Variants in GRAMD1B observed in about 807,000 individuals in gnomAD.
GRAMD1B encodes the protein protein Aster-B.
Under a neutral mutation model 99.7 loss-of-function variants are expected in GRAMD1B, and 37 were observed. The observed-to-expected ratio is 0.37, with a 90% CI of 0.29 to 0.49. The LOEUF is 0.49. Among genes scored for constraint, GRAMD1B ranks in the 20% least tolerant of loss-of-function variants. The pLI is 0.98. For missense variants in GRAMD1B, 888 were observed against 1,009.2 expected (o/e 0.88, Z 1.63); for synonymous variants, 427 against 387.6 (o/e 1.10, Z -1.19).
chr11:123,469,772 T>TTCCTTCCTTCCTTCC (rs57120052), intron 1 of GRAMD1B, among the ~76,000 whole-genome samples: 67 of 108,290 alleles, frequency 6.2e-4, no homozygotes, highest in Middle Eastern at 4.1e-3. Flanking sequence ...TTTCTTTCTC[T>TTCCTTCCTTCCTTCC]TTCTTTCCTT....
chr11:123,367,606 G>A (rs1467454096), intron 1 of GRAMD1B, among the ~76,000 whole-genome samples: 1 of 152,198 alleles, frequency 6.6e-6, no homozygotes, highest in Non-Finnish European at 1.5e-5. Context: ...TGTAAGAGAG[G>A]CAATGAGGCC....
intron 1 of GRAMD1B, among the ~76,000 whole-genome samples, chr11:123,363,797 G>C (rs919853263): frequency 6.6e-6 from 1 of 152,202 alleles, no homozygotes; most frequent in Non-Finnish European, 1.5e-5. Flanking sequence ...TAGGCAGCTG[G>C]CATAATGATG....
At chr11:123,511,029 G>A (rs927081111) in intron 2 of GRAMD1B, among the ~76,000 whole-genome samples, 2 of 151,916 alleles carry the variant, frequency 1.3e-5, no homozygotes, top group African/African-American at 4.8e-5. Context: ...CCTATTTTTT[G>A]TTTCTCTTTA....
chr11:123,368,712 A>G (rs974231365), intron 1 of GRAMD1B, among the ~76,000 whole-genome samples: 8 of 150,796 alleles, frequency 5.3e-5, no homozygotes, highest in Non-Finnish European at 1.0e-4. Flanking sequence ...AGAAAGAAAG[A>G]AAGAAAAAAG....
At chr11:123,613,987 C>T (rs1322852466) in intron 16 of GRAMD1B, among the ~76,000 whole-genome samples, 1 of 152,142 alleles carries the variant, frequency 6.6e-6, no homozygotes, top group African/African-American at 2.4e-5. Flanking sequence ...GGAGATCCCA[C>T]AGCTCAGACC....
intron 1 of GRAMD1B, among the ~76,000 whole-genome samples, chr11:123,375,866 C>A (rs1269865005): frequency 6.6e-6 from 1 of 152,118 alleles, no homozygotes; most frequent in Non-Finnish European, 1.5e-5. Flanking sequence ...ATCTATTTGG[C>A]CCTCAGATAT....
chr11:123,503,835 C>A (rs1940146853), intron 2 of GRAMD1B, among the ~76,000 whole-genome samples: 1 of 152,194 alleles, frequency 6.6e-6, no homozygotes, highest in South Asian at 2.1e-4. Flanking sequence ...ATGTTAGCCA[C>A]CACCCCCAGC....
chr11:123,521,470 C>T (rs572423043), intron 2 of GRAMD1B, among the ~76,000 whole-genome samples: 1 of 152,302 alleles, frequency 6.6e-6, no homozygotes, highest in African/African-American at 2.4e-5. Context: ...CATATTTTCT[C>T]TTAGAACAGC....
rs772310128 is a variant in GRAMD1B at position 123,605,304 on chromosome 11, A to T, written c.1167-18A>T. 5 of 1,582,654 alleles carry T rather than the reference A, an allele frequency of 3.2e-6. No homozygotes were observed. In the African/African-American group the frequency reaches 6.7e-5, roughly 21 times the overall value. ...GAACCACTGAGGGTAATGTGGACTC[A>T]CTGGTGTCTCCTCTCAGATACTGTG... On this transcript the variant is annotated intron_variant, in intron 9 of 19. Transcript: ENST00000635736.
intron 1 of GRAMD1B, among the ~76,000 whole-genome samples, chr11:123,420,161 G>A (rs920412412): frequency 3.9e-5 from 6 of 152,136 alleles, no homozygotes; most frequent in African/African-American, 1.4e-4. Context: ...AACAGAGGAT[G>A]GCAAACCTCA....
intron 1 of GRAMD1B, among the ~76,000 whole-genome samples, chr11:123,419,111 A>G (rs1464316040): frequency 6.6e-6 from 1 of 152,208 alleles, no homozygotes; most frequent in African/African-American, 2.4e-5. Context: ...GACATTCTCA[A>G]AGGAGAACAG....
intron 4 of GRAMD1B, among the ~76,000 whole-genome samples, chr11:123,593,230 TAAAC>T (rs372424623): frequency 0.027 from 4,150 of 151,568 alleles, 132 homozygotes; most frequent in African/African-American, 0.082. Flanking sequence ...AGACTCTGTC[TAAAC>T]AAACAAACAA....
chr11:123,570,541 A>G (rs564948837), intron 2 of GRAMD1B, among the ~76,000 whole-genome samples: 1 of 151,350 alleles, frequency 6.6e-6, no homozygotes, highest in African/African-American at 2.4e-5. Context: ...GTCTTGCCTA[A>G]GCCTCCTGAG....
At chr11:123,407,181 A>G (rs1029325497) in intron 1 of GRAMD1B, among the ~76,000 whole-genome samples, 2 of 152,258 alleles carry the variant, frequency 1.3e-5, no homozygotes, top group Non-Finnish European at 2.9e-5. Context: ...CTACAGGTCT[A>G]TAACACTCAG....
At chr11:123,517,981 T>G (rs1941835916) in intron 2 of GRAMD1B, among the ~76,000 whole-genome samples, 1 of 152,128 alleles carries the variant, frequency 6.6e-6, no homozygotes, top group Non-Finnish European at 1.5e-5. Flanking sequence ...GAATTTCTCC[T>G]GAGGATAAAC....
intron 2 of GRAMD1B, among the ~76,000 whole-genome samples, chr11:123,548,291 A>AATATAT (rs139996126): frequency 0.026 from 1,965 of 74,942 alleles, 41 homozygotes; most frequent in Non-Finnish European, 0.039. Context: ...GCTGTGCCAA[A>AATATAT]ATATATATAT....
At chr11:123,384,674 T>C (rs1442697091) in intron 1 of GRAMD1B, among the ~76,000 whole-genome samples, 4 of 152,238 alleles carry the variant, frequency 2.6e-5, no homozygotes, top group Non-Finnish European at 5.9e-5. Flanking sequence ...CAAATACTAC[T>C]TGAATGAAGA....
At chr11:123,412,663 A>G (rs1489346890) in intron 1 of GRAMD1B, among the ~76,000 whole-genome samples, 2 of 152,236 alleles carry the variant, frequency 1.3e-5, no homozygotes, top group Admixed American at 6.5e-5. Context: ...TTGTGCTGAT[A>G]TAGAAAACCC....
At chr11:123,429,618 G>A (rs1281927763), upstream of GRAMD1B, among the ~76,000 whole-genome samples, 2 of 152,100 alleles carry the variant, frequency 1.3e-5, no homozygotes, top group Non-Finnish European at 1.5e-5. This position sits in a 1 kb window ranked among gnomAD's most constrained non-coding sequence, Gnocchi z 4.0. Context: ...CTAGGGACGC[G>A]GCTATGGTAC....
Sources: gnomAD v4.1 joint callset for allele counts (sites outside exome capture counted in the v4.1 genomes callset) on GRCh38, gnomAD v4.1.1 for gene constraint, Gnocchi (gnomAD v3.1) non-coding constraint, MANE v1.5 for transcripts, NCBI Gene and HGNC (gene_info 2026-07-23, HGNC 2026-07-21) for gene names.